Variants in DLG2 observed in about 807,000 individuals in gnomAD.
DLG2 encodes disks large homolog 2.
DLG2 carries 45 observed loss-of-function variants against 132.5 expected under a neutral mutation model. The observed-to-expected ratio is 0.34, with a 90% CI of 0.27 to 0.44. The LOEUF is 0.44. Ranked by LOEUF, DLG2 falls within the 20% of genes least tolerant of loss-of-function variation. The pLI is 1.00. For synonymous variants in DLG2, 424 were observed against 419.6 expected, an observed-to-expected ratio of 1.01 and a Z score of -0.13; for missense variants, 1,045 against 1,196.9, an observed-to-expected ratio of 0.87 and a Z score of 1.87.
chr11:85,310,662 T>C (rs1206186965), intron 3 of DLG2, among the ~76,000 whole-genome samples: 1 of 152,246 alleles, frequency 6.6e-6, no homozygotes, highest in African/African-American at 2.4e-5. Context: ...GTAACAGGAT[T>C]AGACTAGATG....
intron 18 of DLG2, among the ~76,000 whole-genome samples, chr11:83,675,515 T>G (rs1304635378): frequency 6.6e-6 from 1 of 152,210 alleles, no homozygotes; most frequent in African/African-American, 2.4e-5. Context: ...GATGATGATT[T>G]TGTTCAAAAT....
chr11:84,362,491 CTCTT>C (rs2098655276), intron 7 of DLG2, among the ~76,000 whole-genome samples: 1 of 150,294 alleles, frequency 6.7e-6, no homozygotes, highest in East Asian at 2.0e-4. Context: ...TCAAATAATC[CTCTT>C]TTTTTTTTAA....
intron 4 of DLG2, 63 bp from the exon 5 acceptor site, chr11:85,154,714 A>G: frequency 1.2e-6 from 1 of 807,438 alleles, no homozygotes; most frequent in South Asian, 1.8e-5. Context: ...TATTGTTTTC[A>G]AACTTTGAAT....
chr11:85,462,250 T>G (rs1245655212), intron 3 of DLG2, among the ~76,000 whole-genome samples: 1 of 152,212 alleles, frequency 6.6e-6, no homozygotes, highest in Non-Finnish European at 1.5e-5. Flanking sequence ...TGGCGATTCC[T>G]CAGGGATCTA....
intron 17 of DLG2, among the ~76,000 whole-genome samples, chr11:83,800,729 T>A (rs1435441167): frequency 6.6e-6 from 1 of 152,186 alleles, no homozygotes; most frequent in African/African-American, 2.4e-5. Flanking sequence ...GGATGATTAT[T>A]TTGGAATCTT....
At chr11:85,270,067 C>A (rs2077433401) in intron 4 of DLG2, among the ~76,000 whole-genome samples, 1 of 152,056 alleles carries the variant, frequency 6.6e-6, no homozygotes, top group African/African-American at 2.4e-5. Context: ...GAAACAGAAC[C>A]AGTAGAATGG....
chr11:83,578,008 C>T (rs1248314654), intron 19 of DLG2, among the ~76,000 whole-genome samples: 1 of 135,220 alleles, frequency 7.4e-6, no homozygotes, highest in African/African-American at 2.7e-5. Context: ...ATCTACTTAA[C>T]CCAAAATACT....
intron 8 of DLG2, among the ~76,000 whole-genome samples, chr11:84,216,267 A>T (rs976908274): frequency 6.6e-6 from 1 of 152,136 alleles, no homozygotes; most frequent in Non-Finnish European, 1.5e-5. Flanking sequence ...TTTAAGGCTC[A>T]TGTAATTACA....
intron 16 of DLG2, among the ~76,000 whole-genome samples, chr11:83,871,087 T>C (rs2063358025): frequency 6.6e-6 from 1 of 152,222 alleles, no homozygotes. Context: ...TGATGCCCCC[T>C]TCTATTTCCT....
chr11:83,795,118 A>C (rs1594520533), intron 17 of DLG2, among the ~76,000 whole-genome samples: 1 of 152,096 alleles, frequency 6.6e-6, no homozygotes, highest in African/African-American at 2.4e-5. Flanking sequence ...TAAAATATTT[A>C]TATTCCGGCC....
chr11:84,459,739 A>G (rs2099075322), intron 7 of DLG2, among the ~76,000 whole-genome samples: 1 of 150,620 alleles, frequency 6.6e-6, no homozygotes, highest in Non-Finnish European at 1.5e-5. Context: ...ATTTAAAATT[A>G]TATTTTCCAT....
intron 7 of DLG2, among the ~76,000 whole-genome samples, chr11:84,444,208 G>T (rs2099025954): frequency 6.6e-6 from 1 of 151,936 alleles, no homozygotes; most frequent in Non-Finnish European, 1.5e-5. Context: ...AACATACACT[G>T]GGGCCTATCG....
At chr11:84,551,828 T>C (rs958589113) in intron 6 of DLG2, among the ~76,000 whole-genome samples, 1 of 152,164 alleles carries the variant, frequency 6.6e-6, no homozygotes, top group South Asian at 2.1e-4. Flanking sequence ...TGCTGGGCCA[T>C]AGAATGCAAT....
At chr11:84,316,746 T>C (rs1599754736) in intron 7 of DLG2, 1 of 1,439,922 alleles carries the variant, frequency 6.9e-7, no homozygotes, top group Non-Finnish European at 9.3e-7. Context: ...CTGCAAAGTT[T>C]CCAAGCCATT....
chr11:84,357,729 T>C (rs186017243), intron 7 of DLG2, among the ~76,000 whole-genome samples: 1 of 152,074 alleles, frequency 6.6e-6, no homozygotes, highest in East Asian at 1.9e-4. Context: ...CTGTTGTTTC[T>C]TTTCTAAATA....
At chr11:84,895,276 G>A (rs1269132095) in intron 6 of DLG2, among the ~76,000 whole-genome samples, 1 of 152,102 alleles carries the variant, frequency 6.6e-6, no homozygotes, top group African/African-American at 2.4e-5. Context: ...CCACATTGAT[G>A]CTATTTTAAA....
chr11:84,621,633 A>G (rs971055670), intron 6 of DLG2, among the ~76,000 whole-genome samples: 1 of 152,206 alleles, frequency 6.6e-6, no homozygotes, highest in African/African-American at 2.4e-5. Context: ...TGTACAAGCT[A>G]TTTGGAAGAG....
At chr11:85,437,000 G>A (rs1236969467) in intron 3 of DLG2, among the ~76,000 whole-genome samples, 1 of 152,184 alleles carries the variant, frequency 6.6e-6, no homozygotes, top group Non-Finnish European at 1.5e-5. Context: ...GTCCTTTGCA[G>A]GGACATGGAT....
At chr11:84,700,571 TAACATTAC>T (rs578105811) in intron 6 of DLG2, among the ~76,000 whole-genome samples, 64 of 151,780 alleles carry the variant, frequency 4.2e-4, no homozygotes, top group African/African-American at 1.5e-3. Flanking sequence ...CATTGTATGG[TAACATTAC>T]ATTTAAAAAG....
Sources: allele counts gnomAD v4.1 joint callset (sites outside exome capture counted in the v4.1 genomes callset), GRCh38; gene constraint gnomAD v4.1.1; transcripts MANE v1.5; gene names NCBI Gene and HGNC (gene_info 2026-07-23, HGNC 2026-07-21).